Variants in ST8SIA2 observed in about 807,000 individuals in gnomAD.
ST8SIA2 encodes ST8 alpha-N-acetyl-neuraminide alpha-2,8-sialyltransferase 2.
A neutral mutation model predicts 37.6 loss-of-function variants in ST8SIA2; 22 were observed. The ratio of observed to expected loss-of-function variants is 0.58; its 90% CI spans 0.42 to 0.83. The LOEUF (loss-of-function observed/expected upper bound fraction) is 0.83. Ranked by LOEUF, ST8SIA2 falls within the 40% of genes least tolerant of loss-of-function variation. ST8SIA2 has a pLI of 0.00. For synonymous variants in ST8SIA2, 205 were observed against 201.2 expected, an observed-to-expected ratio of 1.02 and a Z score of -0.16; for missense variants, 382 against 484.7, an observed-to-expected ratio of 0.79 and a Z score of 1.99.
chr15:92,460,701 C>T (rs945930042), intron 5 of ST8SIA2, among the ~76,000 whole-genome samples: 3 of 152,346 alleles, frequency 2.0e-5, no homozygotes, highest in African/African-American at 7.2e-5. Flanking sequence ...GATGACTAAG[C>T]AAAGGGCCGT....
At chr15:92,404,890 G>A (rs1178892404) in intron 1 of ST8SIA2, among the ~76,000 whole-genome samples, 1 of 151,486 alleles carries the variant, frequency 6.6e-6, no homozygotes, top group African/African-American at 2.4e-5. Flanking sequence ...GTACACCCAT[G>A]TTCATAGTAA....
At chr15:92,440,765 G>A (rs565722695) in intron 4 of ST8SIA2, among the ~76,000 whole-genome samples, 5 of 152,272 alleles carry the variant, frequency 3.3e-5, no homozygotes, top group African/African-American at 7.2e-5. Flanking sequence ...AGTTTATTCC[G>A]TGCCCTGCAC....
In ST8SIA2 at chr15:92,401,673, C is replaced by T. The variant is rs193180844; in HGVS notation, c.98+7511C>T. On this transcript the variant is annotated intron_variant, in intron 1 of 5. Transcript: ENST00000268164. ...GGTGTGCCTTTGACTTCCCAAACTGCTCTGCAAGCATGAAGCTCTCAGCTC... is the reference window on the plus strand; with the variant it reads ...GGTGTGCCTTTGACTTCCCAAACTGTTCTGCAAGCATGAAGCTCTCAGCTC... 7.8e-3 allele frequency among the ~76,000 whole-genome samples: 1,195 copies of T among 152,274 alleles called. 8 individuals carry two copies. Among genetic ancestry groups the T allele is most frequent in the Non-Finnish European group, 0.012 (786 of 68,018 alleles).
chr15:92,431,406 C>A (rs3931230), intron 2 of ST8SIA2, among the ~76,000 whole-genome samples: 72,697 of 151,952 alleles, frequency 0.48, 18,021 homozygotes, highest in East Asian at 0.69. Flanking sequence ...ACTGCAGTGT[C>A]TTCTTTGAGG....
At chr15:92,401,410 C>A (rs957230625) in intron 1 of ST8SIA2, among the ~76,000 whole-genome samples, 12 of 152,218 alleles carry the variant, frequency 7.9e-5, no homozygotes, top group Admixed American at 3.3e-4. Flanking sequence ...TATCACCCAG[C>A]TAGGAAGCTG....
At chr15:92,423,403 G>A (rs1283243620) in intron 1 of ST8SIA2, among the ~76,000 whole-genome samples, 2 of 152,234 alleles carry the variant, frequency 1.3e-5, no homozygotes, top group Non-Finnish European at 2.9e-5. Flanking sequence ...CCTGGGCTAT[G>A]GAGCAAGACT....
chr15:92,447,235 A>G (rs2049848807), intron 5 of ST8SIA2, among the ~76,000 whole-genome samples: 1 of 152,172 alleles, frequency 6.6e-6, no homozygotes, highest in African/African-American at 2.4e-5. Context: ...GAAAGAGAAA[A>G]ATCCAGGATG....
intron 1 of ST8SIA2, among the ~76,000 whole-genome samples, chr15:92,406,042 A>G (rs1300497456): frequency 6.6e-6 from 1 of 152,260 alleles, no homozygotes; most frequent in South Asian, 2.1e-4. Context: ...TCAAGGGTGA[A>G]CCTGAAAAGA....
At chr15:92,457,973 G>C (rs1232344538) in intron 5 of ST8SIA2, among the ~76,000 whole-genome samples, 1 of 152,222 alleles carries the variant, frequency 6.6e-6, no homozygotes, top group Non-Finnish European at 1.5e-5. Flanking sequence ...GCTGGCCGCA[G>C]TTACAAAGCT....
intron 5 of ST8SIA2, 25 bp from the exon 6 acceptor site, chr15:92,464,072 CTTT>C (rs34156050): frequency 2.2e-3 from 2,783 of 1,268,296 alleles, no homozygotes; most frequent in East Asian, 7.3e-3. Flanking sequence ...TGTTTCTTTT[CTTT>C]TTTTTTTTTT....
At chr15:92,407,721 G>A (rs998798734) in intron 1 of ST8SIA2, among the ~76,000 whole-genome samples, 1 of 152,184 alleles carries the variant, frequency 6.6e-6, no homozygotes, top group Admixed American at 6.5e-5. Context: ...AAACCAATCT[G>A]CTCTTCCAGA....
chr15:92,400,545 C>G (rs895707938), intron 1 of ST8SIA2, among the ~76,000 whole-genome samples: 1 of 152,148 alleles, frequency 6.6e-6, no homozygotes, highest in Non-Finnish European at 1.5e-5. Context: ...CTGGCTATGA[C>G]GTTATTCACC....
At chr15:92,462,036 C>T (rs2049960861) in intron 5 of ST8SIA2, among the ~76,000 whole-genome samples, 3 of 152,082 alleles carry the variant, frequency 2.0e-5, no homozygotes, top group African/African-American at 7.2e-5. Context: ...AGGATGAAAT[C>T]AGAGAAAGTG....
intron 4 of ST8SIA2, among the ~76,000 whole-genome samples, chr15:92,440,304 CTT>C (rs1015583609): frequency 6.6e-6 from 1 of 152,166 alleles, no homozygotes; most frequent in African/African-American, 2.4e-5. Flanking sequence ...GCTTCTCAGA[CTT>C]TACCATGGAC....
chr15:92,422,103 A>T (rs1453661616), intron 1 of ST8SIA2: 1 of 152,168 alleles, frequency 6.6e-6, no homozygotes, highest in African/African-American at 2.4e-5. Flanking sequence ...AAATATTTAC[A>T]TTTGGCCTCT....
chr15:92,454,356 C>T (rs1319436100), intron 5 of ST8SIA2, among the ~76,000 whole-genome samples: 1 of 152,010 alleles, frequency 6.6e-6, no homozygotes, highest in Admixed American at 6.5e-5. Flanking sequence ...GGATTAAGGC[C>T]CACCCTAGTG....
At chr15:92,458,075 G>A (rs1288210405) in intron 5 of ST8SIA2, among the ~76,000 whole-genome samples, 1 of 152,170 alleles carries the variant, frequency 6.6e-6, no homozygotes, top group African/African-American at 2.4e-5. Context: ...TGCAACGGAA[G>A]TCAGGATAAT....
At chr15:92,429,926 C>A in intron 1 of ST8SIA2, 123 bp from the exon 2 acceptor site, 1 of 1,056,828 alleles carries the variant, frequency 9.5e-7, no homozygotes, top group East Asian at 2.5e-5. Context: ...CTGCAGAGTC[C>A]AGAATGAGGT....
In ST8SIA2 at chr15:92,407,009, G is replaced by A. The variant is rs201532575; in HGVS notation, c.98+12847G>A. 2.1e-3 allele frequency among the ~76,000 whole-genome samples: 220 copies of A among 105,176 alleles called. 2 individuals carry two copies. The highest frequency in any genetic ancestry group is 5.2e-3 in the Middle Eastern group (1 of 192). 69.0% of individuals were successfully genotyped at this position (105,176 alleles called of 152,430 possible). ...AACCCTGTCTCAAAAAAAAAAAAAA[G>A]AAAAGAAAAAAAAAAACACTACAAA... On this transcript the variant is annotated intron_variant, in intron 1 of 5. Coordinates refer to ENST00000268164, the MANE Select transcript of ST8SIA2 (RefSeq NM_006011.4).
Sources: gnomAD v4.1 joint callset for allele counts (sites outside exome capture counted in the v4.1 genomes callset) on GRCh38, gnomAD v4.1.1 for gene constraint, MANE v1.5 for transcripts, NCBI Gene and HGNC (gene_info 2026-07-23, HGNC 2026-07-21) for gene names.